EDA2R: variants seen among roughly 807,000 people sequenced by gnomAD.
EDA2R encodes tumor necrosis factor receptor superfamily member 27.
In EDA2R, 26 loss-of-function variants were observed where a neutral mutation model predicts 20.1. The ratio of observed to expected loss-of-function variants is 1.30; its 90% CI spans 0.95 to 1.80. EDA2R has a LOEUF of 1.80. EDA2R is among the 40% of genes most tolerant of loss of function. The pLI is 0.00. For missense variants in EDA2R, 277 were observed against 228.7 expected (o/e 1.21, Z -1.36); for synonymous variants, 114 against 88.7 (o/e 1.29, Z -1.60).
At chrX:66,599,330 C>T in intron 6 of EDA2R, 144 bp downstream of exon 6, 1 of 634,086 alleles carries the variant, frequency 1.6e-6, no homozygotes, top group African/African-American at 2.2e-5. Context: ...ACCACTGTTG[C>T]CCCTCCACCC....
Position 66,608,041 on chromosome X carries a change from C to T in EDA2R, c.88-2815G>A, listed in dbSNP as rs766548671. Among the ~76,000 whole-genome samples, 163 of 111,494 alleles carry T rather than the reference C, an allele frequency of 1.5e-3. 1 individual carries two copies. The highest frequency in any genetic ancestry group is 5.2e-3 in the African/African-American group (159 of 30,721). ...GGTTAAGAAAAATTGTAAAATGGAA[C>T]CAAACATGAATACTGGAGCTAAAAA... On this transcript the variant is annotated intron_variant, in intron 2 of 6. Transcript: ENST00000374719.
At position 66,607,314 on chromosome X, in the gene EDA2R, C is replaced by T. The variant is rs1228198416; in HGVS notation, c.88-2088G>A. On this transcript the variant is annotated intron_variant, in intron 2 of 6. Transcript: ENST00000374719. ...GCATTCAATGAAATTGCTGTCCAAA[C>T]ATTAGCTGAACATGAGCTAAATTAA... 4.5e-5 allele frequency among the ~76,000 whole-genome samples: 5 copies of T among 112,271 alleles called. No homozygotes were observed. In the East Asian group the frequency reaches 1.4e-3, roughly 31 times the overall value.
intron 1 of EDA2R, among the ~76,000 whole-genome samples, chrX:66,630,584 A>C (rs975247480): frequency 9.0e-6 from 1 of 111,498 alleles, no homozygotes; most frequent in Non-Finnish European, 1.9e-5. Flanking sequence ...CAAACATATG[A>C]AAAAATGCTC....
At chrX:66,606,928 G>A (rs1371887336) in intron 2 of EDA2R, among the ~76,000 whole-genome samples, 2 of 112,387 alleles carry the variant, frequency 1.8e-5, no homozygotes, top group African/African-American at 6.5e-5. Flanking sequence ...AAAGTGATGG[G>A]CACTGTTTCA....
chrX:66,608,459 T>C (rs1294802756), intron 2 of EDA2R, among the ~76,000 whole-genome samples: 1 of 111,924 alleles, frequency 8.9e-6, no homozygotes, highest in East Asian at 2.8e-4. Context: ...GTGAAATTAC[T>C]TGTCAAGTAA....
intron 1 of EDA2R, among the ~76,000 whole-genome samples, chrX:66,626,675 A>G (rs1007958658): frequency 1.8e-5 from 2 of 108,810 alleles, no homozygotes; most frequent in African/African-American, 3.3e-5. Context: ...AACACCTGGG[A>G]AATTCATCTC....
At chrX:66,630,932 C>T (rs987512466) in intron 1 of EDA2R, among the ~76,000 whole-genome samples, 3 of 107,480 alleles carry the variant, frequency 2.8e-5, no homozygotes, top group Admixed American at 2.0e-4. Flanking sequence ...TGTGTATATA[C>T]GTACATATAT....
intron 6 of EDA2R, among the ~76,000 whole-genome samples, chrX:66,598,301 C>T (rs1927821775): frequency 8.9e-6 from 1 of 112,202 alleles, no homozygotes; most frequent in South Asian, 3.7e-4. Flanking sequence ...CTAAGCTCCA[C>T]ATACTTTAGA....
intron 4 of EDA2R, 129 bp downstream of exon 4, chrX:66,604,292 C>A (rs1174281930): frequency 2.1e-6 from 1 of 485,751 alleles, no homozygotes; most frequent in East Asian, 3.8e-5. Flanking sequence ...AACCAGACTT[C>A]TAATCTGATT....
chrX:66,637,966 C>T (rs1934507840), intron 1 of EDA2R, among the ~76,000 whole-genome samples: 1 of 111,730 alleles, frequency 9.0e-6, no homozygotes, highest in Admixed American at 9.5e-5. Flanking sequence ...CCCTGAAAGG[C>T]GTTACAATTT....
chrX:66,625,734 C>A (rs1311557203), intron 1 of EDA2R, among the ~76,000 whole-genome samples: 1 of 111,952 alleles, frequency 8.9e-6, no homozygotes. Context: ...ATTAAACCAC[C>A]AAAGCTAAGA....
intron 1 of EDA2R, among the ~76,000 whole-genome samples, chrX:66,628,680 A>G (rs1446055986): frequency 9.4e-6 from 1 of 106,686 alleles, no homozygotes; most frequent in African/African-American, 3.5e-5. Flanking sequence ...AGGCAGAGAT[A>G]CTGAAATGGT....
At chrX:66,602,037 A>G (rs1602188753) in intron 5 of EDA2R, among the ~76,000 whole-genome samples, 1 of 112,024 alleles carries the variant, frequency 8.9e-6, no homozygotes, top group East Asian at 2.8e-4. Context: ...AGGTTTGCCA[A>G]CTACTCTGGA....
chrX:66,625,514 A>C (rs1369468333), intron 1 of EDA2R, among the ~76,000 whole-genome samples: 1 of 110,971 alleles, frequency 9.0e-6, no homozygotes, highest in African/African-American at 3.3e-5. Context: ...AGCAAGACCT[A>C]TCCAAGGAGA....
intron 5 of EDA2R, 126 bp from the exon 6 acceptor site, chrX:66,599,986 G>T: frequency 3.5e-6 from 4 of 1,134,794 alleles, no homozygotes; most frequent in Non-Finnish European, 3.5e-6. Context: ...TCTCCCTGGG[G>T]TCTAGAGCAC....
chrX:66,619,414 G>T (rs1017939008), intron 1 of EDA2R, among the ~76,000 whole-genome samples: 2 of 112,137 alleles, frequency 1.8e-5, no homozygotes, highest in Non-Finnish European at 1.9e-5. Flanking sequence ...AAGTGAAAAA[G>T]AAATAAAATC....
chrX:66,635,300 A>G (rs900604117), intron 1 of EDA2R, among the ~76,000 whole-genome samples: 2 of 112,504 alleles, frequency 1.8e-5, no homozygotes, highest in Non-Finnish European at 3.8e-5. Context: ...AGCCATCCTC[A>G]TATCTATGTT....
At chrX:66,624,781 G>A (rs1932901700) in intron 1 of EDA2R, among the ~76,000 whole-genome samples, 1 of 111,437 alleles carries the variant, frequency 9.0e-6, no homozygotes, top group Admixed American at 9.5e-5. Context: ...CTTAGGAAGT[G>A]GACTGCTCCT....
chrX:66,627,019 A>G (rs1457752342), intron 1 of EDA2R, among the ~76,000 whole-genome samples: 1 of 111,660 alleles, frequency 9.0e-6, no homozygotes, highest in African/African-American at 3.3e-5. Context: ...ACTGAAAGTA[A>G]GCATCATATA....
Sources: allele counts gnomAD v4.1 joint callset (sites outside exome capture counted in the v4.1 genomes callset), GRCh38; gene constraint gnomAD v4.1.1; transcripts MANE v1.5; gene names NCBI Gene and HGNC (gene_info 2026-07-23, HGNC 2026-07-21).